GLIS3: variants seen among roughly 807,000 people sequenced by gnomAD.
The protein encoded by GLIS3 is GLIS family zinc finger 3, also known as zinc finger protein GLIS3.
Under a neutral mutation model 78.6 loss-of-function variants are expected in GLIS3, and 53 were observed. The observed-to-expected ratio is 0.67, with a 90% CI of 0.54 to 0.85. The LOEUF (loss-of-function observed/expected upper bound fraction) is 0.85, where lower values mean the gene tolerates loss of function less well. GLIS3 is among the 40% of genes least tolerant of loss of function. GLIS3 has a pLI of 0.00. For synonymous variants in GLIS3, 684 were observed against 509.9 expected (o/e 1.34, Z -4.60); for missense variants, 1,703 against 1,231.1 (o/e 1.38, Z -5.74).
intron 6 of GLIS3, among the ~76,000 whole-genome samples, chr9:3,902,366 AG>A (rs1193767279): frequency 6.6e-6 from 1 of 152,210 alleles, no homozygotes; most frequent in African/African-American, 2.4e-5. Flanking sequence ...AACATTCTCT[AG>A]TACAGGAATG....
At chr9:4,063,759 G>T (rs1826848374) in intron 4 of GLIS3, among the ~76,000 whole-genome samples, 1 of 152,140 alleles carries the variant, frequency 6.6e-6, no homozygotes. Context: ...TAAGGCAGAT[G>T]AGAGTTCAGT....
intron 4 of GLIS3, among the ~76,000 whole-genome samples, chr9:4,112,036 T>C (rs1030632549): frequency 6.6e-6 from 1 of 152,204 alleles, no homozygotes; most frequent in Non-Finnish European, 1.5e-5. Context: ...AAGTCTGCAT[T>C]GTGTTTGGAA....
rs576981963 is a variant in GLIS3 at position 4,298,058 on chromosome 9, G to A, written c.-99+1363C>T. Among the ~76,000 whole-genome samples, 22 of 152,298 alleles carry A rather than the reference G, an allele frequency of 1.4e-4. No homozygotes were observed. The East Asian group carries it at 4.3e-3, about 29-fold the overall frequency. ...GCCCCGTGCGCGAGCGAGCGAGGGA[G>A]CGAACGCAGCGCAACAAAACAAACT... On this transcript the variant is annotated intron_variant, in intron 1 of 10. Coordinates refer to ENST00000381971, the MANE Select transcript of GLIS3 (RefSeq NM_001042413.2).
chr9:4,092,251 A>C (rs888990883), intron 4 of GLIS3, among the ~76,000 whole-genome samples: 1 of 150,198 alleles, frequency 6.7e-6, no homozygotes, highest in African/African-American at 2.5e-5. Context: ...TCCTGGGTTC[A>C]CACCATTCTC....
rs185018975 is a variant in GLIS3, at chr9:4,262,325, C to T, written c.388+23713G>A. On this transcript the variant is annotated intron_variant, in intron 2 of 10. Coordinates refer to ENST00000381971, the MANE Select transcript of GLIS3 (RefSeq NM_001042413.2). The stretch of plus-strand genomic sequence containing the variant: ...GACACCCGCTATTTTTGCAAATTCA[C>T]TCAGTGGCTCACAGAAACACTTGAC... 5.3e-3 allele frequency among the ~76,000 whole-genome samples: 806 copies of T among 152,232 alleles called. 9 individuals are homozygous for T. Among genetic ancestry groups the T allele is most frequent in the Non-Finnish European group, 8.0e-3 (545 of 68,020 alleles).
intron 4 of GLIS3, among the ~76,000 whole-genome samples, chr9:3,989,405 A>G (rs544642779): frequency 6.6e-6 from 1 of 152,220 alleles, no homozygotes; most frequent in Non-Finnish European, 1.5e-5. Flanking sequence ...TTATCCAGAG[A>G]AATGAAAATT....
At chr9:4,079,431 A>G (rs1377636878) in intron 4 of GLIS3, among the ~76,000 whole-genome samples, 1 of 152,180 alleles carries the variant, frequency 6.6e-6, no homozygotes, top group Non-Finnish European at 1.5e-5. Flanking sequence ...GAAGAAAGCA[A>G]AAAGGGAGCC....
intron 7 of GLIS3, among the ~76,000 whole-genome samples, chr9:3,884,121 C>T (rs1033110155): frequency 2.0e-5 from 3 of 152,186 alleles, no homozygotes; most frequent in African/African-American, 7.2e-5. Context: ...GCACCTTTAG[C>T]TCAGGTTAAT....
chr9:4,202,129 C>G (rs1047160340), intron 2 of GLIS3, among the ~76,000 whole-genome samples: 2 of 144,122 alleles, frequency 1.4e-5, no homozygotes, highest in African/African-American at 5.2e-5. Context: ...CAGAGCAAGA[C>G]TCTTTTTTTT....
chr9:4,227,755 C>T (rs1294598352), intron 2 of GLIS3, among the ~76,000 whole-genome samples: 2 of 152,138 alleles, frequency 1.3e-5, no homozygotes, highest in Non-Finnish European at 2.9e-5. Flanking sequence ...TCAGGTGAAG[C>T]CAAGGAGCTC....
At chr9:4,080,432 C>CA (rs374772903) in intron 4 of GLIS3, among the ~76,000 whole-genome samples, 4 of 151,802 alleles carry the variant, frequency 2.6e-5, no homozygotes, top group African/African-American at 7.3e-5. Flanking sequence ...AACATTAGTA[C>CA]AAAAAAATGC....
At chr9:4,482,184 T>C in the GLIS3 span, among the ~76,000 whole-genome samples, 25 of 152,332 alleles carry the variant, frequency 1.6e-4, no homozygotes, top group African/African-American at 6.0e-4. Context: ...TTTTCTTTCA[T>C]ATCCTAAAAT....
chr9:3,970,276 T>C (rs1818283029), intron 4 of GLIS3, among the ~76,000 whole-genome samples: 1 of 152,148 alleles, frequency 6.6e-6, no homozygotes, highest in Non-Finnish European at 1.5e-5. Flanking sequence ...ATTAAAATAG[T>C]CATAAACAAG....
At chr9:3,829,536 A>G (rs374613366) in intron 9 of GLIS3, 44 bp from the exon 10 acceptor site, 3 of 1,605,974 alleles carry the variant, frequency 1.9e-6, no homozygotes, top group Non-Finnish European at 2.6e-6. Flanking sequence ...CTTTGGGCAC[A>G]AGTTCCACAG....
the GLIS3 span, among the ~76,000 whole-genome samples, chr9:4,362,203 G>A: frequency 2.6e-5 from 4 of 152,212 alleles, no homozygotes; most frequent in Non-Finnish European, 4.4e-5. Flanking sequence ...CCAGTGGAAA[G>A]GGGGAGATTT....
chr9:4,089,222 T>C (rs562038533), intron 4 of GLIS3, among the ~76,000 whole-genome samples: 42 of 152,314 alleles, frequency 2.8e-4, no homozygotes, highest in East Asian at 2.5e-3. Context: ...CACTGATCCA[T>C]TGTATAAATG....
chr9:4,026,279 T>A (rs1823341650), intron 4 of GLIS3, among the ~76,000 whole-genome samples: 4 of 152,238 alleles, frequency 2.6e-5, no homozygotes, highest in Admixed American at 2.6e-4. Flanking sequence ...CAGACCAGTC[T>A]CAATCATCAA....
At chr9:3,913,717 T>G (rs1056920402) in intron 6 of GLIS3, among the ~76,000 whole-genome samples, 1 of 152,260 alleles carries the variant, frequency 6.6e-6, no homozygotes, top group Non-Finnish European at 1.5e-5. Context: ...GCAATTTCTC[T>G]TCATCTTGCT....
intron 2 of GLIS3, among the ~76,000 whole-genome samples, chr9:4,163,314 T>C (rs1419172262): frequency 6.6e-6 from 1 of 152,252 alleles, no homozygotes; most frequent in Admixed American, 6.5e-5. Context: ...GCCCATTTAA[T>C]TTACCTATGT....
Sources: gnomAD v4.1 joint callset for allele counts (sites outside exome capture counted in the v4.1 genomes callset) on GRCh38, gnomAD v4.1.1 for gene constraint, MANE v1.5 for transcripts, NCBI Gene and HGNC (gene_info 2026-07-23, HGNC 2026-07-21) for gene names.